DST: variants seen among roughly 807,000 people sequenced by gnomAD.
DST encodes the protein dystonin, also known as bullous pemphigoid antigen.
In DST, 253 loss-of-function variants were observed where a neutral mutation model predicts 875.2. The ratio of observed to expected loss-of-function variants is 0.29; its 90% confidence interval spans 0.26 to 0.32. The LOEUF (loss-of-function observed/expected upper bound fraction) is 0.32. Ranked by LOEUF, DST falls within the 10% of genes least tolerant of loss-of-function variation. DST has a pLI of 1.00. For missense variants in DST, 8,287 were observed against 9,111.6 expected (o/e 0.91, Z 3.68); for synonymous variants, 3,124 against 3,197.1 (o/e 0.98, Z 0.77).
chr6:56,852,190 G>A (rs1337405084), intron 3 of DST, among the ~76,000 whole-genome samples: 2 of 152,172 alleles, frequency 1.3e-5, no homozygotes, highest in Non-Finnish European at 2.9e-5. Context: ...TCCCAGAAAA[G>A]AGCAAGGAGG....
chr6:56,618,221 T>C (rs758226717), intron 36 of DST: 5 of 1,614,086 alleles, frequency 3.1e-6, no homozygotes, highest in Non-Finnish European at 3.4e-6. Flanking sequence ...TGGCTGGAAT[T>C]GGACTTCTTT....
intron 4 of DST, among the ~76,000 whole-genome samples, chr6:56,827,376 T>A (rs1336790646): frequency 6.6e-6 from 1 of 151,506 alleles, no homozygotes; most frequent in Admixed American, 6.6e-5. Context: ...AAGCCAGGCG[T>A]GGTGGTGTGT....
intron 55 of DST, among the ~76,000 whole-genome samples, chr6:56,563,039 C>T (rs1055109961): frequency 6.6e-5 from 10 of 152,132 alleles, no homozygotes; most frequent in East Asian, 1.9e-4. Flanking sequence ...AATAGTGCTG[C>T]GATAAACATA....
At chr6:56,516,106 G>GTATATA (rs538292640) in intron 71 of DST, among the ~76,000 whole-genome samples, 2 of 146,054 alleles carry the variant, frequency 1.4e-5, no homozygotes, top group Non-Finnish European at 3.0e-5. Context: ...ATGTGTGTGT[G>GTATATA]TATATATATA....
intron 36 of DST, chr6:56,620,120 GCTAC>G (rs1288546109): frequency 4.3e-6 from 7 of 1,613,332 alleles, no homozygotes; most frequent in East Asian, 2.2e-5. Flanking sequence ...CTGTTTCTCT[GCTAC>G]CTGTTTCTGA....
intron 34 of DST, among the ~76,000 whole-genome samples, chr6:56,626,245 A>G (rs1478188075): frequency 6.6e-6 from 1 of 152,120 alleles, no homozygotes; most frequent in Non-Finnish European, 1.5e-5. Flanking sequence ...GTGTACAGTA[A>G]TGTCCTAGGC....
intron 28 of DST, 29 bp downstream of exon 28, chr6:56,632,824 GA>G (rs1352913228): frequency 1.2e-6 from 2 of 1,601,644 alleles, no homozygotes; most frequent in Non-Finnish European, 1.7e-6. Flanking sequence ...CACCTATGGG[GA>G]AAAAAAGACA....
At chr6:56,891,955 C>T (rs1239495974) in intron 3 of DST, among the ~76,000 whole-genome samples, 1 of 152,196 alleles carries the variant, frequency 6.6e-6, no homozygotes, top group African/African-American at 2.4e-5. Flanking sequence ...CCTCAGATTC[C>T]CCACCAGCAG....
intron 9 of DST, among the ~76,000 whole-genome samples, chr6:56,682,133 G>A (rs781662807): frequency 6.6e-6 from 1 of 152,088 alleles, no homozygotes; most frequent in Non-Finnish European, 1.5e-5. Flanking sequence ...AACTCATTCT[G>A]GACCTTGGCA....
intron 95 of DST, 27 bp downstream of exon 95, chr6:56,471,079 G>A (rs1369219996): frequency 5.6e-6 from 9 of 1,598,982 alleles, no homozygotes; most frequent in Non-Finnish European, 7.7e-6. Flanking sequence ...AATTGTATCA[G>A]TCATAGTCAT....
chr6:56,846,925 C>A (rs1195000723), intron 4 of DST, among the ~76,000 whole-genome samples: 1 of 150,500 alleles, frequency 6.6e-6, no homozygotes, highest in African/African-American at 2.5e-5. Context: ...ATCGCTTGAG[C>A]CCGGGAGGTA....
intron 5 of DST, among the ~76,000 whole-genome samples, chr6:56,710,120 T>G (rs1478041695): frequency 1.3e-5 from 2 of 152,148 alleles, no homozygotes; most frequent in Admixed American, 6.5e-5. Context: ...TAAACTATTA[T>G]CTTAAGCAAA....
intron 3 of DST, among the ~76,000 whole-genome samples, chr6:56,861,292 G>A (rs1279015062): frequency 6.6e-6 from 1 of 152,176 alleles, no homozygotes; most frequent in African/African-American, 2.4e-5. Flanking sequence ...GGAAAGCAGG[G>A]CTGTTCCATG....
intron 13 of DST, among the ~76,000 whole-genome samples, chr6:56,647,611 C>T (rs941131824): frequency 7.9e-5 from 12 of 151,840 alleles, no homozygotes; most frequent in Non-Finnish European, 1.5e-4. Flanking sequence ...GACCACTTTG[C>T]TATTATAAAA....
At chr6:56,777,311 T>C (rs1319800987) in intron 4 of DST, among the ~76,000 whole-genome samples, 1 of 152,020 alleles carries the variant, frequency 6.6e-6, no homozygotes, top group Non-Finnish European at 1.5e-5. Flanking sequence ...ATAAGAGAAA[T>C]ACGAAGGCAA....
chr6:56,510,407 T>TA (rs1200766089), intron 73 of DST, among the ~76,000 whole-genome samples: 2 of 152,120 alleles, frequency 1.3e-5, no homozygotes, highest in African/African-American at 2.4e-5. Context: ...TGAAAAATGT[T>TA]AAAAAAAATT....
At position 56,458,485 on chromosome 6, in the gene DST, C is replaced by G. The variant is rs1279437131; in HGVS notation, c.*520G>C. 1 of 152,460 alleles carries G rather than the reference C, an allele frequency of 6.6e-6. No individual in the cohort carries two copies. The highest frequency in any genetic ancestry group is 1.5e-5 in the Non-Finnish European group (1 of 68,166). 9.4% of individuals were successfully genotyped at this position (152,460 alleles called of 1,614,324 possible). ...TTGAATATCATAGTACTGGCAAGTG[C>G]TTGAAGTAACTTCCTGTGAGTTCTC... On this transcript the variant is annotated 3_prime_UTR_variant, in exon 104 of 104. Coordinates refer to ENST00000680361, the MANE Select transcript of DST (RefSeq NM_001374736.1).
rs776092615 is a variant in DST, at chr6:56,603,340, A to G, written c.11022T>C (p.Leu3674=). The G allele has an allele frequency of 1.2e-6, 2 of 1,611,020 alleles. No homozygotes were observed. The highest frequency in any genetic ancestry group is 1.7e-6 in the Non-Finnish European group (2 of 1,179,002). The change falls in exon 42 of 104, where the codon CTT becomes CTC. Residue 3674 remains leucine (L), a synonymous_variant. Coordinates refer to ENST00000680361, the MANE Select transcript of DST (RefSeq NM_001374736.1). ...CATGGCCTCTGGGAAAGTCACTGGG[A>G]AGAGACTTTAAAAACTCTTCTGCCA... ...MKLAEEFLKS[L]PSDFPRGHVE... is the part of the protein sequence containing the mutation.
At chr6:56,830,393 C>CG (rs1485643581) in intron 4 of DST, among the ~76,000 whole-genome samples, 3 of 152,044 alleles carry the variant, frequency 2.0e-5, no homozygotes, top group Admixed American at 2.0e-4. Context: ...ATAAAATTAA[C>CG]GTATATAGGT....
Sources: gnomAD v4.1 joint callset for allele counts (sites outside exome capture counted in the v4.1 genomes callset) on GRCh38, gnomAD v4.1.1 for gene constraint, MANE v1.5 for transcripts, NCBI Gene and HGNC (gene_info 2026-07-23, HGNC 2026-07-21) for gene names.